VPS13B: variants seen among roughly 807,000 people sequenced by gnomAD.
VPS13B encodes intermembrane lipid transfer protein VPS13B.
A neutral mutation model predicts 426.4 loss-of-function variants in VPS13B; 285 were observed. The observed-to-expected ratio is 0.67, with a 90% CI of 0.61 to 0.74. VPS13B has a LOEUF of 0.74. VPS13B is among the 30% of genes least tolerant of loss of function. The probability of loss-of-function intolerance (pLI) is 0.00; values close to 1 mark genes in which losing one functional copy is unlikely to be tolerated. For synonymous variants in VPS13B, 1,676 were observed against 1,676.4 expected (o/e 1.00, Z 0.01); for missense variants, 4,537 against 4,782.6 (o/e 0.95, Z 1.51).
intron 30 of VPS13B, among the ~76,000 whole-genome samples, chr8:99,539,017 T>C (rs2133716891): frequency 6.6e-6 from 1 of 151,810 alleles, no homozygotes; most frequent in South Asian, 2.1e-4. Flanking sequence ...GTGCCTGCAT[T>C]TATTTTATTC....
Position 99,871,579 on chromosome 8 carries a change from G to A in VPS13B, c.11627G>A (p.Ser3876Asn). The A allele has an allele frequency of 1.2e-6, 2 of 1,614,228 alleles. No homozygotes were observed. Among genetic ancestry groups the A allele is most frequent in the Non-Finnish European group, 1.7e-6 (2 of 1,180,036 alleles). ...GAAGTGCTCTTCGTGGTGAGTGTCA[G>A]TGAGGACACACAGCAGCAGGCCTTC... ...TSEVLFVVSV[S>N]EDTQQQAFPV... Residue 3876 changes from serine (S) to asparagine (N), a missense_variant, in exon 61 of 62, where the codon AGT (serine) becomes AAT (asparagine). Coordinates refer to ENST00000357162, the MANE Select transcript of VPS13B (RefSeq NM_152564.5).
intron 17 of VPS13B, among the ~76,000 whole-genome samples, chr8:99,231,816 A>G (rs960693664): frequency 3.9e-5 from 6 of 152,200 alleles, no homozygotes; most frequent in African/African-American, 1.4e-4. Context: ...CCTTGTATAA[A>G]TTGCTACTTT....
intron 16 of VPS13B, among the ~76,000 whole-genome samples, chr8:99,173,617 C>G (rs1204605991): frequency 6.6e-6 from 1 of 152,174 alleles, no homozygotes; most frequent in African/African-American, 2.4e-5. Context: ...AACTAAATGC[C>G]TTAAAACTAC....
intron 15 of VPS13B, among the ~76,000 whole-genome samples, chr8:99,164,893 C>T (rs2132649110): frequency 6.6e-6 from 1 of 152,098 alleles, no homozygotes; most frequent in Admixed American, 6.5e-5. Context: ...TCTTTCCTTT[C>T]TGCTGCCTCT....
chr8:99,439,269 T>C (rs1318329348), intron 22 of VPS13B, among the ~76,000 whole-genome samples: 1 of 152,188 alleles, frequency 6.6e-6, no homozygotes, highest in Non-Finnish European at 1.5e-5. Flanking sequence ...CATGCACCAC[T>C]GCACAATGTA....
At chr8:99,511,669 A>T (rs1459965989) in intron 29 of VPS13B, among the ~76,000 whole-genome samples, 157 bp downstream of exon 29, 1 of 152,192 alleles carries the variant, frequency 6.6e-6, no homozygotes. Flanking sequence ...TATTCTACAA[A>T]TCATTAGGAA....
chr8:99,712,863 G>A (rs966009158), intron 36 of VPS13B, among the ~76,000 whole-genome samples: 1 of 149,564 alleles, frequency 6.7e-6, no homozygotes, highest in Non-Finnish European at 1.5e-5. Flanking sequence ...TTCTCTCCTT[G>A]CCCTAGTCAA....
Position 99,378,145 on chromosome 8 carries a change from C to CT in VPS13B, c.2825-6063_2825-6062insT, listed in dbSNP as rs1010753773. On this transcript the variant is annotated intron_variant, in intron 19 of 61. Coordinates refer to ENST00000357162, the MANE Select transcript of VPS13B (RefSeq NM_152564.5). ...GCGGCCATTTTAGAGCCCCCCCCCC[C>CT]CGGAATGCATTCTTTTCCCAAGGCT... 3.5e-5 allele frequency among the ~76,000 whole-genome samples: 5 copies of CT among 141,928 alleles called. 1 individual carries two copies. Among genetic ancestry groups the CT allele is most frequent in the African/African-American group, 1.3e-4 (5 of 37,912 alleles). The allele number at this position is 141,928 out of a possible 152,430, so 93.1% of individuals were successfully genotyped here.
chr8:99,557,300 A>C (rs1824635830), intron 31 of VPS13B, among the ~76,000 whole-genome samples: 4 of 144,994 alleles, frequency 2.8e-5, no homozygotes, highest in South Asian at 2.2e-4. Flanking sequence ...CTTCCTCACC[A>C]CCCCCACCCC....
At chr8:99,867,834 TATC>T (rs1200331917) in intron 58 of VPS13B, among the ~76,000 whole-genome samples, 1 of 152,232 alleles carries the variant, frequency 6.6e-6, no homozygotes, top group African/African-American at 2.4e-5. Flanking sequence ...TTATGACTGT[TATC>T]ATTATTATCA....
chr8:99,442,384 C>G lies in VPS13B; in HGVS notation c.3211-17C>G. ...TTAGTCTAATCCGAATATTTTAATT[C>G]TGCTTTTCTTTTCTAGCTTGAAGTA... is the stretch of plus-strand genomic sequence containing the variant. On this transcript the variant is annotated splice_polypyrimidine_tract_variant and intron_variant, in intron 22 of 61. Transcript: ENST00000357162. 1.2e-6 allele frequency: 2 copies of G among 1,605,424 alleles called. No individual in the cohort carries two copies. Among genetic ancestry groups the G allele is most frequent in the Non-Finnish European group, 1.7e-6 (2 of 1,172,454 alleles).
Position 99,193,037 on chromosome 8 carries a change from A to G in VPS13B, c.2495A>G (p.Asn832Ser), listed in dbSNP as rs1286492322. The G allele has an allele frequency of 2.5e-6, 4 of 1,613,664 alleles. No individual in the cohort carries two copies. Among genetic ancestry groups the G allele is most frequent in the South Asian group, 1.1e-5 (1 of 91,072 alleles). The change falls in exon 17 of 62, where the codon AAT becomes AGT. Residue 832 changes from asparagine to serine, a missense_variant. Asn to Ser is a conservative substitution (Grantham distance 46). Around this residue, in one of 2 missense-constraint regions of VPS13B, gnomAD observed 4,311 missense variants for 4,474.3 expected, o/e 0.96. Transcript: ENST00000357162. ...SSSAVIEALI[N>S]EIFLSIGVKS... ...TCCGCAGTGATTGAAGCTTTGATAA[A>G]TGAAATCTTCCTAAGTATAGGTAAG... is the stretch of plus-strand genomic sequence containing the variant.
At chr8:99,327,640 C>T (rs1810345096) in intron 19 of VPS13B, among the ~76,000 whole-genome samples, 1 of 152,118 alleles carries the variant, frequency 6.6e-6, no homozygotes, top group South Asian at 2.1e-4. Flanking sequence ...TGGGAAAGAC[C>T]ACACTATCTG....
chr8:99,230,785 T>G (rs1042199855), intron 17 of VPS13B, among the ~76,000 whole-genome samples: 2 of 152,248 alleles, frequency 1.3e-5, no homozygotes, highest in African/African-American at 4.8e-5. Flanking sequence ...CTGTTACTTT[T>G]AATAGATTAT....
At chr8:99,784,593 G>A (rs578102730) in intron 43 of VPS13B, 117 bp downstream of exon 43, 37 of 1,362,166 alleles carry the variant, frequency 2.7e-5, no homozygotes, top group Middle Eastern at 2.0e-4. Flanking sequence ...ACCACACAGC[G>A]TAGCTACATC....
chr8:99,250,664 CTTTTTTTTTTTTTTTTTTTTTTTT>C (rs60698750), intron 17 of VPS13B, among the ~76,000 whole-genome samples: 6 of 35,806 alleles, frequency 1.7e-4, no homozygotes, highest in Admixed American at 1.4e-3. Flanking sequence ...TGTGTTTATT[CTTTTTTTTTTTTTTTTTTTTTTTT>C]TTTTTTTTTT....
chr8:99,664,183 T>C (rs1830358498), intron 35 of VPS13B, among the ~76,000 whole-genome samples: 1 of 151,902 alleles, frequency 6.6e-6, no homozygotes, highest in South Asian at 2.1e-4. Context: ...ATTTTTGTAT[T>C]TTTAGTAGAG....
intron 22 of VPS13B, among the ~76,000 whole-genome samples, chr8:99,440,259 A>G (rs1817616055): frequency 6.6e-6 from 1 of 152,104 alleles, no homozygotes; most frequent in Admixed American, 6.6e-5. Flanking sequence ...TTAAAAGATC[A>G]TTTGTGTTTG....
chr8:99,512,525 A>T (rs1288181978), intron 29 of VPS13B, among the ~76,000 whole-genome samples: 6 of 152,232 alleles, frequency 3.9e-5, no homozygotes, highest in African/African-American at 1.4e-4. Flanking sequence ...CTGTAGTTTC[A>T]GTTATAATAA....
Sources: gnomAD v4.1 joint callset for allele counts (sites outside exome capture counted in the v4.1 genomes callset) on GRCh38, gnomAD v4.1.1 for gene constraint, gnomAD v4.1.1 regional missense constraint, MANE v1.5 for transcripts, NCBI Gene and HGNC (gene_info 2026-07-23, HGNC 2026-07-21) for gene names.